The following KIDINS220 variants were observed in gnomAD, a reference collection of about 807,000 sequenced individuals.
KIDINS220 encodes the protein kinase D-interacting substrate of 220 kDa.
Under a neutral mutation model 157.6 loss-of-function variants are expected in KIDINS220, and 63 were observed. The ratio of observed to expected loss-of-function variants is 0.40; its 90% CI spans 0.33 to 0.49. The LOEUF is 0.49. Among genes scored for constraint, KIDINS220 ranks in the 20% least tolerant of loss-of-function variants. The pLI, the probability that KIDINS220 is intolerant of heterozygous loss-of-function variation, is 0.66. For missense variants in KIDINS220, 1,772 were observed against 2,171.2 expected, an observed-to-expected ratio of 0.82 and a Z score of 3.65; for synonymous variants, 732 against 783.6, an observed-to-expected ratio of 0.93 and a Z score of 1.10.
chr2:8,762,319 T>C (rs1668849390), intron 22 of KIDINS220, among the ~76,000 whole-genome samples: 1 of 152,228 alleles, frequency 6.6e-6, no homozygotes, highest in Admixed American at 6.5e-5. Context: ...TTTTTCATGT[T>C]GACGTTAGAA....
At chr2:8,790,181 G>C in intron 13 of KIDINS220, 122 bp from the exon 14 acceptor site, 1 of 821,256 alleles carries the variant, frequency 1.2e-6, no homozygotes, top group Admixed American at 3.1e-5. Flanking sequence ...TAGGTCCCTA[G>C]ATGGAATACT....
chr2:8,733,549 G>A lies in KIDINS220; in HGVS notation c.3948C>T (p.Thr1316=), dbSNP rs201123761. Reference sequence around the variant, plus strand: ...TGTAGGGCGTCTGGCTGGAGAGCTCGGTGTGAGGCAGCTCGTTGTGGGAAG... The same window carrying A: ...TGTAGGGCGTCTGGCTGGAGAGCTCAGTGTGAGGCAGCTCGTTGTGGGAAG... ...RRASHNELPH[T]ELSSQTPYTL... is the part of the protein sequence containing the mutation. Residue 1316 remains threonine, a synonymous_variant, in exon 29 of 30, where the codon ACC becomes ACT. Transcript: ENST00000256707. 2.3e-5 allele frequency: 37 copies of A among 1,614,100 alleles called. No individual in the cohort carries two copies. Among genetic ancestry groups the A allele is most frequent in the Middle Eastern group, 1.6e-4 (1 of 6,062 alleles).
At position 8,782,881 on chromosome 2, in the gene KIDINS220, A is replaced by C. The variant is rs539894120; in HGVS notation, c.2229+2860T>G. On this transcript the variant is annotated intron_variant, in intron 17 of 29. Transcript: ENST00000256707. ...AGGGCCGGTTCCACATTCAAAAATC[A>C]ATTAATGTAATCCATCACTTCAACA... 3.9e-5 allele frequency among the ~76,000 whole-genome samples: 6 copies of C among 152,302 alleles called. No homozygotes were observed. The East Asian group carries it at 1.2e-3, about 29-fold the overall frequency.
intron 22 of KIDINS220, among the ~76,000 whole-genome samples, chr2:8,752,950 T>C (rs577927608): frequency 2.0e-5 from 3 of 152,286 alleles, no homozygotes; most frequent in East Asian, 3.9e-4. Context: ...GCAGAGACTC[T>C]TGAATGTAAA....
At chr2:8,749,366 T>A (rs1667004605) in intron 24 of KIDINS220, 2 of 453,044 alleles carry the variant, frequency 4.4e-6, no homozygotes, top group Non-Finnish European at 8.9e-6. Flanking sequence ...GAAATTGCAA[T>A]GCACCTTAAG....
At chr2:8,806,003 T>C (rs1383938112) in intron 7 of KIDINS220, among the ~76,000 whole-genome samples, 5 of 152,170 alleles carry the variant, frequency 3.3e-5, no homozygotes, top group African/African-American at 1.2e-4. Flanking sequence ...TCTCTATATA[T>C]CACACTAGGA....
chr2:8,770,602 A>G lies in KIDINS220; in HGVS notation c.3011+68T>C, dbSNP rs1368608994. ...TATTATTTTGTATTGTCTGCTTTAT[A>G]CGCGTTTTTTTTTTTTTTTTAACTC... On this transcript the variant is annotated intron_variant, in intron 22 of 29. Transcript: ENST00000256707. The G allele has an allele frequency of 3.7e-6, 3 of 808,338 alleles. 1 individual carries two copies. The highest frequency in any genetic ancestry group is 3.9e-5 in the South Asian group (2 of 50,702). The allele number at this position is 808,338 out of a possible 1,614,324, so 50.1% of individuals were successfully genotyped here.
At chr2:8,751,708 G>A in intron 22 of KIDINS220, 64 bp from the exon 23 acceptor site, 1 of 1,106,822 alleles carries the variant, frequency 9.0e-7, no homozygotes, top group Non-Finnish European at 1.3e-6. Context: ...AATTCTGCAT[G>A]TCACCTGAAG....
At chr2:8,831,533 T>C (rs1679623936) in intron 1 of KIDINS220, among the ~76,000 whole-genome samples, 1 of 152,206 alleles carries the variant, frequency 6.6e-6, no homozygotes, top group South Asian at 2.1e-4. Flanking sequence ...GAAGCCTTCA[T>C]TGACTGGCTG....
chr2:8,773,333 G>C (rs1481663179), intron 21 of KIDINS220, among the ~76,000 whole-genome samples: 1 of 152,150 alleles, frequency 6.6e-6, no homozygotes, highest in African/African-American at 2.4e-5. Flanking sequence ...TTTTAAAAAT[G>C]TGTATCTCAG....
chr2:8,744,392 T>C (rs1411897548), intron 26 of KIDINS220, among the ~76,000 whole-genome samples: 1 of 26,850 alleles, frequency 3.7e-5, no homozygotes, highest in Non-Finnish European at 5.7e-5. Context: ...AAAAAAAATA[T>C]ATATATATAA....
downstream of KIDINS220, among the ~76,000 whole-genome samples, chr2:8,726,232 G>C (rs1663296149): frequency 6.6e-6 from 1 of 152,042 alleles, no homozygotes; most frequent in Non-Finnish European, 1.5e-5. Flanking sequence ...ATTCAGATCT[G>C]CCCATCCTAC....
intron 2 of KIDINS220, among the ~76,000 whole-genome samples, chr2:8,819,121 T>G (rs1301394426): frequency 6.6e-6 from 1 of 152,188 alleles, no homozygotes; most frequent in African/African-American, 2.4e-5. Flanking sequence ...AGAATACTTA[T>G]GGTAGCCAAA....
At chr2:8,803,317 TTTTG>T (rs201046756) in intron 7 of KIDINS220, among the ~76,000 whole-genome samples, 190 bp from the exon 8 acceptor site, 1,601 of 152,316 alleles carry the variant, frequency 0.011, 24 homozygotes, top group African/African-American at 0.036. Flanking sequence ...AGGAGGTATC[TTTTG>T]TTTTTGAAAA....
intron 15 of KIDINS220, 38 bp from the exon 16 acceptor site, chr2:8,786,395 C>A (rs1465799708): frequency 1.3e-6 from 2 of 1,498,590 alleles, no homozygotes; most frequent in African/African-American, 2.8e-5. Context: ...ACTTTATTAT[C>A]TAAAGTAACA....
rs1351045072 is a variant in KIDINS220 at position 8,730,030 on chromosome 2, G to A, written c.*690C>T. 1.4e-5 allele frequency: 14 copies of A among 985,300 alleles called. No homozygotes were observed. The highest frequency in any genetic ancestry group is 9.4e-5 in the South Asian group (2 of 21,286). The allele number at this position is 985,300 out of a possible 1,614,324, so 61.0% of individuals were successfully genotyped here. ...CTGGGATTTGGAGAGAAGAGTTTCCGACATATAAACCCACGGAGGTCACCA... is the reference window on the plus strand; with the variant it reads ...CTGGGATTTGGAGAGAAGAGTTTCCAACATATAAACCCACGGAGGTCACCA... On this transcript the variant is annotated 3_prime_UTR_variant, in exon 30 of 30. Transcript: ENST00000256707.
chr2:8,731,125 A>T lies in KIDINS220; in HGVS notation c.4911T>A (p.Asp1637Glu). The change falls in exon 30 of 30, where the codon GAT (aspartate) becomes GAA (glutamate). Residue 1637 changes from aspartate (D) to glutamate (E), a missense_variant. This residue lies in a region of KIDINS220 where 793 missense variants were observed against 885.5 expected (regional missense o/e 0.90). Transcript: ENST00000256707. This position sits in a 1 kb window ranked among gnomAD's most constrained non-coding sequence, Gnocchi z 5.2. ...GIPHSLSGLQ[D>E]PIIARMSICS... Reference sequence around the variant, plus strand: ...AAATGGACATCCGAGCTATAATTGGATCTTGCAGGCCACTCAGGCTATGTG... The same window carrying T: ...AAATGGACATCCGAGCTATAATTGGTTCTTGCAGGCCACTCAGGCTATGTG... The T allele has an allele frequency of 6.2e-7, 1 of 1,614,102 alleles. No individual in the cohort carries two copies. The highest frequency in any genetic ancestry group is 1.1e-5 in the South Asian group (1 of 91,076).
intron 6 of KIDINS220, among the ~76,000 whole-genome samples, chr2:8,811,167 C>T (rs1327797643): frequency 6.6e-6 from 1 of 151,640 alleles, no homozygotes; most frequent in Admixed American, 6.6e-5. Flanking sequence ...TGACGAAAAA[C>T]AAATCTTTAA....
At chr2:8,798,337 G>C in intron 9 of KIDINS220, 37 bp from the exon 10 acceptor site, 1 of 1,156,218 alleles carries the variant, frequency 8.6e-7, no homozygotes, top group South Asian at 1.3e-5. Context: ...CTTCATGTAA[G>C]ATACAATATT....
Sources: gnomAD v4.1 joint callset for allele counts (sites outside exome capture counted in the v4.1 genomes callset) on GRCh38, gnomAD v4.1.1 for gene constraint, gnomAD v4.1.1 regional missense constraint, Gnocchi (gnomAD v3.1) non-coding constraint, MANE v1.5 for transcripts, NCBI Gene and HGNC (gene_info 2026-07-23, HGNC 2026-07-21) for gene names.